KCNT2: variants seen among roughly 807,000 people sequenced by gnomAD.
KCNT2 encodes the protein potassium sodium-activated channel subfamily T member 2.
Under a neutral mutation model 153.8 loss-of-function variants are expected in KCNT2, and 67 were observed. The observed-to-expected ratio is 0.44, with a 90% CI of 0.36 to 0.53. The LOEUF is 0.53. Ranked by LOEUF, KCNT2 falls within the 20% of genes least tolerant of loss-of-function variation. The pLI, the probability that KCNT2 is intolerant of heterozygous loss-of-function variation, is 0.00. For synonymous variants in KCNT2, 500 were observed against 458.8 expected (o/e 1.09, Z -1.15); for missense variants, 975 against 1,354.8 (o/e 0.72, Z 4.40).
intron 22 of KCNT2, among the ~76,000 whole-genome samples, chr1:196,304,564 C>A (rs1396003433): frequency 6.6e-6 from 1 of 152,042 alleles, no homozygotes; most frequent in Non-Finnish European, 1.5e-5. Flanking sequence ...TTTCCTTTCA[C>A]ATCTAATTCT....
chr1:196,354,021 C>T (rs1572146164), intron 14 of KCNT2, among the ~76,000 whole-genome samples: 1 of 151,862 alleles, frequency 6.6e-6, no homozygotes, highest in African/African-American at 2.4e-5. Flanking sequence ...AGCACAAAAT[C>T]TTATTATACT....
chr1:196,484,885 A>G (rs1231982231), intron 3 of KCNT2, among the ~76,000 whole-genome samples: 2 of 152,114 alleles, frequency 1.3e-5, no homozygotes, highest in Non-Finnish European at 2.9e-5. Flanking sequence ...CAAAAACAGT[A>G]CGGCGATTCC....
intron 25 of KCNT2, among the ~76,000 whole-genome samples, chr1:196,265,995 C>T (rs1657504114): frequency 6.6e-6 from 1 of 151,980 alleles, no homozygotes; most frequent in South Asian, 2.1e-4. Flanking sequence ...AACAAACAAA[C>T]AAAAAACAGC....
chr1:196,425,042 T>G (rs1401142134), intron 11 of KCNT2, among the ~76,000 whole-genome samples: 2 of 151,898 alleles, frequency 1.3e-5, no homozygotes, highest in Non-Finnish European at 2.9e-5. Context: ...GCAGGACAAC[T>G]CAAGGGTAAA....
intron 4 of KCNT2, 52 bp from the exon 5 acceptor site, chr1:196,479,290 T>C (rs757678776): frequency 1.9e-6 from 2 of 1,072,108 alleles, no homozygotes; most frequent in Non-Finnish European, 1.4e-6. Flanking sequence ...TTAAATTATA[T>C]ATATTCTTGG....
chr1:196,317,598 C>G (rs754561991), intron 20 of KCNT2, among the ~76,000 whole-genome samples: 5 of 151,566 alleles, frequency 3.3e-5, no homozygotes, highest in Middle Eastern at 3.4e-3. Flanking sequence ...TAAAACATCT[C>G]CATTATAATT....
intron 22 of KCNT2, among the ~76,000 whole-genome samples, chr1:196,286,790 A>AT (rs1466337569): frequency 6.6e-6 from 1 of 152,034 alleles, no homozygotes; most frequent in Non-Finnish European, 1.5e-5. Flanking sequence ...CAAATGTCAA[A>AT]TTTGTTTAAG....
intron 3 of KCNT2, among the ~76,000 whole-genome samples, chr1:196,486,698 A>G (rs1268894412): frequency 1.3e-5 from 1 of 76,024 alleles, no homozygotes; most frequent in Non-Finnish European, 2.6e-5. Flanking sequence ...ATGAACTCAA[A>G]GACTGGTAGC....
intron 6 of KCNT2, 65 bp from the exon 7 acceptor site, chr1:196,467,851 T>C: frequency 1.2e-6 from 1 of 839,804 alleles, no homozygotes; most frequent in Non-Finnish European, 1.8e-6. Context: ...CCCAGTATAC[T>C]AAAAAGAAAT....
At chr1:196,577,561 A>G (rs879882455) in intron 1 of KCNT2, among the ~76,000 whole-genome samples, 4 of 152,208 alleles carry the variant, frequency 2.6e-5, no homozygotes, top group African/African-American at 9.6e-5. Context: ...ACCCTTGATT[A>G]ACATATGTAT....
Position 196,541,272 on chromosome 1 carries a change from A to G in KCNT2, c.96-48931T>C, listed in dbSNP as rs1030480560. ...TAAATCAATATGTTGAATACATTTG[A>G]AAAAAACAGAAATAAAATGAATTAC... On this transcript the variant is annotated intron_variant, in intron 1 of 27. Transcript: ENST00000294725. 9.2e-5 allele frequency among the ~76,000 whole-genome samples: 14 copies of G among 151,942 alleles called. 1 individual carries two copies. Among genetic ancestry groups the G allele is most frequent in the Non-Finnish European group, 2.9e-5 (2 of 67,952 alleles).
chr1:196,395,165 A>G (rs981884351), intron 13 of KCNT2, among the ~76,000 whole-genome samples: 4 of 151,406 alleles, frequency 2.6e-5, no homozygotes, highest in African/African-American at 7.3e-5. Flanking sequence ...TGTTTTCCTA[A>G]AATATTTTAT....
intron 22 of KCNT2, among the ~76,000 whole-genome samples, chr1:196,302,026 C>A (rs1397585918): frequency 6.6e-6 from 1 of 152,106 alleles, no homozygotes; most frequent in Non-Finnish European, 1.5e-5. Flanking sequence ...AGGTGTGAAC[C>A]ACCACGCCCA....
intron 1 of KCNT2, among the ~76,000 whole-genome samples, chr1:196,514,963 A>G (rs1331004298): frequency 6.6e-6 from 1 of 152,234 alleles, no homozygotes; most frequent in East Asian, 1.9e-4. Flanking sequence ...TAACAAATGA[A>G]ACAAACCCAC....
chr1:196,568,467 G>A lies in KCNT2; in HGVS notation c.95+39748C>T, dbSNP rs532175425. Among the ~76,000 whole-genome samples, 14 of 151,968 alleles carry A rather than the reference G, an allele frequency of 9.2e-5. No homozygotes were observed. The South Asian group carries it at 2.9e-3, about 32-fold the overall frequency. On this transcript the variant is annotated intron_variant, in intron 1 of 27. Transcript: ENST00000294725. ...AAAAATTAGCCGGGTGTGGTGGCCG[G>A]CGCCTATAGTCCCAGCTACACGGAA...
chr1:196,547,650 A>G (rs1250387344), intron 1 of KCNT2, among the ~76,000 whole-genome samples: 1 of 151,882 alleles, frequency 6.6e-6, no homozygotes, highest in Non-Finnish European at 1.5e-5. Flanking sequence ...CTGTCCATTC[A>G]TCTGTCCATT....
intron 25 of KCNT2, among the ~76,000 whole-genome samples, chr1:196,270,242 T>C (rs1657940270): frequency 1.3e-5 from 2 of 151,986 alleles, no homozygotes; most frequent in Non-Finnish European, 1.5e-5. Context: ...GTAGGGATTA[T>C]AGTGGCCCAA....
chr1:196,598,688 G>A (rs971420175), intron 1 of KCNT2, among the ~76,000 whole-genome samples: 3 of 152,138 alleles, frequency 2.0e-5, no homozygotes, highest in African/African-American at 7.2e-5. Context: ...ATAATAATTA[G>A]ATTCTAGTTA....
chr1:196,391,414 A>C (rs1482344183), intron 13 of KCNT2, among the ~76,000 whole-genome samples: 2 of 151,450 alleles, frequency 1.3e-5, no homozygotes, highest in Admixed American at 6.6e-5. Flanking sequence ...TGGCAGACTA[A>C]ATACCATAGG....
Sources: allele counts gnomAD v4.1 joint callset (sites outside exome capture counted in the v4.1 genomes callset), GRCh38; gene constraint gnomAD v4.1.1; transcripts MANE v1.5; gene names NCBI Gene and HGNC (gene_info 2026-07-23, HGNC 2026-07-21).